Variants in FUT8 observed in about 807,000 individuals in gnomAD.
The protein encoded by FUT8 is fucosyltransferase 8.
FUT8 carries 29 observed loss-of-function variants against 71.3 expected under a neutral mutation model. The observed-to-expected ratio is 0.41, with a 90% CI of 0.30 to 0.55. The LOEUF (loss-of-function observed/expected upper bound fraction) is 0.55, where lower values mean the gene tolerates loss of function less well. Among genes scored for constraint, FUT8 ranks in the 20% least tolerant of loss-of-function variants. The probability of loss-of-function intolerance (pLI) is 0.34; values close to 1 mark genes in which losing one functional copy is unlikely to be tolerated. For synonymous variants in FUT8, 254 were observed against 239.3 expected (o/e 1.06, Z -0.57); for missense variants, 544 against 702.1 (o/e 0.77, Z 2.55).
intron 2 of FUT8, among the ~76,000 whole-genome samples, chr14:65,510,999 G>A (rs1463836613): frequency 6.6e-6 from 1 of 151,750 alleles, no homozygotes; most frequent in African/African-American, 2.4e-5. Context: ...TTGTTAGCTT[G>A]TATATTTAAA....
At chr14:65,512,077 A>G (rs937347343) in intron 2 of FUT8, among the ~76,000 whole-genome samples, 1 of 152,194 alleles carries the variant, frequency 6.6e-6, no homozygotes, top group Admixed American at 6.5e-5. Context: ...ACAGCATGTT[A>G]CTGTACTGAA....
At chr14:65,573,550 G>T (rs1423120756) in intron 3 of FUT8, among the ~76,000 whole-genome samples, 1 of 152,032 alleles carries the variant, frequency 6.6e-6, no homozygotes, top group Non-Finnish European at 1.5e-5. Flanking sequence ...GCACTGGATA[G>T]ATTGTGGCAT....
intron 6 of FUT8, among the ~76,000 whole-genome samples, chr14:65,634,204 T>G (rs1890409237): frequency 6.6e-6 from 1 of 152,020 alleles, no homozygotes; most frequent in African/African-American, 2.4e-5. Flanking sequence ...AGACTTTTCA[T>G]TTTGTTCTGT....
chr14:65,689,677 T>C (rs1231589679), intron 7 of FUT8, among the ~76,000 whole-genome samples: 1 of 152,212 alleles, frequency 6.6e-6, no homozygotes, highest in Non-Finnish European at 1.5e-5. Context: ...TAGCTGGGAC[T>C]ACAGCCACAT....
intron 7 of FUT8, among the ~76,000 whole-genome samples, chr14:65,718,850 G>A (rs949870517): frequency 6.6e-6 from 1 of 152,036 alleles, no homozygotes; most frequent in Admixed American, 6.6e-5. Flanking sequence ...GGAGCTCCAT[G>A]GTATGTTATT....
Position 65,700,381 on chromosome 14 carries a change from G to GTTTTTTTT in FUT8, c.836-21374_836-21367dup, listed in dbSNP as rs763718984. 3.3e-3 allele frequency among the ~76,000 whole-genome samples: 162 copies of GTTTTTTTT among 48,884 alleles called. 15 individuals carry two copies. The highest frequency in any genetic ancestry group is 5.4e-3 in the East Asian group (7 of 1,292). The allele number at this position is 48,884 out of a possible 152,430, so 32.1% of individuals were successfully genotyped here. ...AAACTACTTTCTTTTCTTTCTTTCT[G>GTTTTTTTT]TTTTTTTTTTTTTTTTTTTTTTTTT... On this transcript the variant is annotated intron_variant, in intron 7 of 10. Transcript: ENST00000673929.
rs546117437 is a variant in FUT8 at position 65,481,887 on chromosome 14, C to T, written c.-228+26169C>T. ...CTTGATCAAAGTTGTTTATAAGATACGTGCTTCGCAGATGTATTTTTCCTG... is the reference window on the plus strand; with the variant it reads ...CTTGATCAAAGTTGTTTATAAGATATGTGCTTCGCAGATGTATTTTTCCTG... On this transcript the variant is annotated intron_variant, in intron 2 of 10. Coordinates refer to ENST00000673929, the MANE Select transcript of FUT8 (RefSeq NM_001371533.1). Among the ~76,000 whole-genome samples, 8 of 152,100 alleles carry T rather than the reference C, an allele frequency of 5.3e-5. 1 individual carries two copies. The South Asian group carries it at 8.3e-4, about 16-fold the overall frequency.
chr14:65,735,275 A>G (rs750223402), intron 10 of FUT8, among the ~76,000 whole-genome samples: 2 of 151,952 alleles, frequency 1.3e-5, no homozygotes, highest in Non-Finnish European at 2.9e-5. Context: ...CATAACTCCA[A>G]TTTTGACCTA....
chr14:65,494,646 C>G (rs779908185), intron 2 of FUT8, among the ~76,000 whole-genome samples: 12 of 151,916 alleles, frequency 7.9e-5, no homozygotes, highest in Non-Finnish European at 1.5e-5. Context: ...GCAGAATGTG[C>G]AGGTTCGTTG....
chr14:65,510,747 G>A lies in FUT8; in HGVS notation c.-227-50590G>A, dbSNP rs59515554. Among the ~76,000 whole-genome samples, 1,434 of 151,972 alleles carry A rather than the reference G, an allele frequency of 9.4e-3. 23 individuals carry two copies. The highest frequency in any genetic ancestry group is 0.033 in the African/African-American group (1,365 of 41,490). On this transcript the variant is annotated intron_variant, in intron 2 of 10. Coordinates refer to ENST00000673929, the MANE Select transcript of FUT8 (RefSeq NM_001371533.1). ...TAGTAGTAGCCACTAATGATTCTTC[G>A]GATTTCTGTGATATCGGTTGTACTG...
intron 1 of FUT8, among the ~76,000 whole-genome samples, chr14:65,419,084 C>T (rs952336930): frequency 1.3e-5 from 2 of 151,926 alleles, no homozygotes; most frequent in African/African-American, 4.8e-5. Context: ...CAAAATTAGT[C>T]GGGCATGGTG....
intron 7 of FUT8, among the ~76,000 whole-genome samples, chr14:65,679,918 G>T (rs1892955758): frequency 6.6e-6 from 1 of 152,140 alleles, no homozygotes; most frequent in African/African-American, 2.4e-5. Flanking sequence ...ATGCCCATTT[G>T]TTAGTGTGTT....
chr14:65,563,721 A>T (rs1022469958), intron 3 of FUT8, among the ~76,000 whole-genome samples: 3 of 151,966 alleles, frequency 2.0e-5, no homozygotes, highest in Non-Finnish European at 4.4e-5. Context: ...TTCAATACTG[A>T]TATTTCAATT....
intron 2 of FUT8, among the ~76,000 whole-genome samples, chr14:65,507,528 T>A (rs1220180490): frequency 6.6e-6 from 1 of 152,182 alleles, no homozygotes; most frequent in African/African-American, 2.4e-5. Context: ...GATTTTTAGA[T>A]CCCACAAATA....
Position 65,607,344 on chromosome 14 carries a change from T to C in FUT8, c.204-8634T>C, listed in dbSNP as rs1434730877. Among the ~76,000 whole-genome samples, 2 of 151,956 alleles carry C rather than the reference T, an allele frequency of 1.3e-5. No homozygotes were observed. The highest frequency in any genetic ancestry group is 4.8e-5 in the African/African-American group (2 of 41,428). On this transcript the variant is annotated intron_variant, in intron 3 of 10. Coordinates refer to ENST00000673929, the MANE Select transcript of FUT8 (RefSeq NM_001371533.1). The surrounding 1 kb of genome is among the most constrained non-coding windows in gnomAD (Gnocchi z 4.1). ...ATTTATTATGAATTTCTAATATTCC[T>C]TACTGAATTAAAGAGTTTACCTTCC...
At position 65,721,939 on chromosome 14, in the gene FUT8, T is replaced by C. The variant is rs1479791706; in HGVS notation, c.1000T>C (p.Tyr334His). ...GTGGTGGGTGTCTCAGTTTGTCAAA[T>C]ACTTGATCCGCCCACAGCCTTGGCT... ...AVWWVSQFVK[Y>H]LIRPQPWLEK... Residue 334 changes from tyrosine to histidine, a missense_variant, in exon 8 of 11, where the codon TAC becomes CAC. By Grantham distance (83) the Tyr-to-His change is moderately conservative (BLOSUM62 2). Transcript: ENST00000673929. 3.1e-6 allele frequency: 5 copies of C among 1,614,210 alleles called. No individual in the cohort carries two copies. The highest frequency in any genetic ancestry group is 4.2e-6 in the Non-Finnish European group (5 of 1,180,038).
At chr14:65,658,398 C>A (rs1891797242) in intron 6 of FUT8, among the ~76,000 whole-genome samples, 1 of 152,094 alleles carries the variant, frequency 6.6e-6, no homozygotes, top group Non-Finnish European at 1.5e-5. Flanking sequence ...CATAAACATA[C>A]CATTACCAAT....
At chr14:65,651,692 A>AGATGATAT (rs1891414891) in intron 6 of FUT8, among the ~76,000 whole-genome samples, 2 of 152,220 alleles carry the variant, frequency 1.3e-5, no homozygotes, top group Non-Finnish European at 1.5e-5. Context: ...CCAAAGTAAT[A>AGATGATAT]GATGATATAA....
intron 1 of FUT8, among the ~76,000 whole-genome samples, chr14:65,414,955 G>C (rs1047969010): frequency 1.3e-5 from 2 of 152,054 alleles, no homozygotes; most frequent in African/African-American, 4.8e-5. Flanking sequence ...ACCTGAAGTT[G>C]TTTTCCTACA....
Sources: allele counts gnomAD v4.1 joint callset (sites outside exome capture counted in the v4.1 genomes callset), GRCh38; gene constraint gnomAD v4.1.1; non-coding constraint Gnocchi (gnomAD v3.1); transcripts MANE v1.5; gene names NCBI Gene and HGNC (gene_info 2026-07-23, HGNC 2026-07-21).